KNDC1: variants seen among roughly 807,000 people sequenced by gnomAD.
The protein encoded by KNDC1 is kinase non-catalytic C-lobe domain containing 1.
Under a neutral mutation model 172.8 loss-of-function variants are expected in KNDC1, and 106 were observed. That is an observed-to-expected ratio of 0.61 (90% CI 0.52 to 0.72). The LOEUF is 0.72. KNDC1 is among the 30% of genes least tolerant of loss of function. The pLI is 0.00. For missense variants in KNDC1, 2,325 were observed against 2,394.5 expected (o/e 0.97, Z 0.61); for synonymous variants, 1,083 against 1,062.2 (o/e 1.02, Z -0.38).
At chr10:133,206,827 G>T (rs769939373) in intron 18 of KNDC1, 29 bp from the exon 19 acceptor site, 1 of 1,613,142 alleles carries the variant, frequency 6.2e-7, no homozygotes, top group Non-Finnish European at 8.5e-7. Context: ...CAGGCAGCCC[G>T]GCCCCCACCC....
At chr10:133,183,537 A>G (rs1407929578) in intron 4 of KNDC1, 47 bp downstream of exon 4, 3 of 1,538,338 alleles carry the variant, frequency 2.0e-6, no homozygotes, top group South Asian at 2.4e-5. Flanking sequence ...CCCTGACCCC[A>G]CAGGCCTGGA....
At chr10:133,195,391 G>A (rs1214198353) in intron 9 of KNDC1, among the ~76,000 whole-genome samples, 2 of 152,206 alleles carry the variant, frequency 1.3e-5, no homozygotes, top group East Asian at 3.9e-4. Flanking sequence ...TGGAAGGTGG[G>A]AAAGTCCAGT....
rs763479627 is a variant in KNDC1 at position 133,186,271 on chromosome 10, T to G, written c.923T>G (p.Phe308Cys). The stretch of plus-strand genomic sequence containing the variant: ...AGCCGCCTGCGGAAGGTGCAGACGT[T>G]CCCTAGGCTGCTGTCCGACAGCCCC... ...RRSRLRKVQT[F>C]PRLLSDSPEA... The change falls in exon 6 of 30, where the codon TTC (phenylalanine) becomes TGC (cysteine). Residue 308 changes from phenylalanine to cysteine, a missense_variant. Phe to Cys is a radical substitution (Grantham distance 205). Transcript: ENST00000304613. The G allele has an allele frequency of 1.2e-6, 2 of 1,609,424 alleles. No individual in the cohort carries two copies. The highest frequency in any genetic ancestry group is 1.1e-5 in the South Asian group (1 of 90,588).
At position 133,209,269 on chromosome 10, in the gene KNDC1, T is replaced by G. The variant is rs1845298576; in HGVS notation, c.3795-1342T>G. Among the ~76,000 whole-genome samples, 1 of 100,978 alleles carries G rather than the reference T, an allele frequency of 9.9e-6. No homozygotes were observed. Among genetic ancestry groups the G allele is most frequent in the South Asian group, 3.7e-4 (1 of 2,716 alleles). 66.2% of individuals were successfully genotyped at this position (100,978 alleles called of 152,430 possible). On this transcript the variant is annotated intron_variant, in intron 20 of 29. Coordinates refer to ENST00000304613, the MANE Select transcript of KNDC1 (RefSeq NM_152643.8). The surrounding 1 kb of genome is among the most constrained non-coding windows in gnomAD (Gnocchi z 4.9). The stretch of plus-strand genomic sequence containing the variant: ...GTGTGGTGTGTGGTATGCGGTAGTG[T>G]GTGTGTGGTGTGTGGAGTATAGTGT...
chr10:133,161,147 C>T (rs564815568), intron 1 of KNDC1, among the ~76,000 whole-genome samples: 3 of 152,200 alleles, frequency 2.0e-5, no homozygotes, highest in African/African-American at 2.4e-5. Flanking sequence ...ACCGCCCACC[C>T]TACAGCACCG....
chr10:133,185,352 AGT>A (rs1564883494), intron 5 of KNDC1, among the ~76,000 whole-genome samples: 23 of 103,164 alleles, frequency 2.2e-4, no homozygotes, highest in Admixed American at 3.9e-4. Context: ...TGCAGTGTGG[AGT>A]AGGCAGTGTG....
In KNDC1 at chr10:133,203,198, TCGGCCCC is replaced by T. The variant is rs1854428231; in HGVS notation, c.3387+1302_3387+1308del. On this transcript the variant is annotated intron_variant, in intron 17 of 29. Coordinates refer to ENST00000304613, the MANE Select transcript of KNDC1 (RefSeq NM_152643.8). ...ACGCACAGAGTCCAGCGGGGAGCACTCGGCCCCCAAACGCACGGCGTCCAGTGGGGAG... is the reference window on the plus strand; with the variant it reads ...ACGCACAGAGTCCAGCGGGGAGCACTCAAACGCACGGCGTCCAGTGGGGAG... Among the ~76,000 whole-genome samples, 8 of 57,062 alleles carry T rather than the reference TCGGCCCC, an allele frequency of 1.4e-4. 1 individual carries two copies. Among genetic ancestry groups the T allele is most frequent in the South Asian group, 4.8e-4 (1 of 2,082 alleles). 37.4% of individuals were successfully genotyped at this position (57,062 alleles called of 152,430 possible).
chr10:133,204,511 G>A (rs1268589532), intron 17 of KNDC1, among the ~76,000 whole-genome samples: 1 of 152,206 alleles, frequency 6.6e-6, no homozygotes, highest in African/African-American at 2.4e-5. Flanking sequence ...CTGGGACACT[G>A]CCCACACTGC....
intron 1 of KNDC1, among the ~76,000 whole-genome samples, chr10:133,162,849 T>G (rs1476659123): frequency 6.6e-6 from 1 of 152,232 alleles, no homozygotes; most frequent in Non-Finnish European, 1.5e-5. Flanking sequence ...CACTATGGTG[T>G]GGGCCCCAGA....
At chr10:133,212,578 C>A in intron 23 of KNDC1, 138 bp from the exon 24 acceptor site, 1 of 693,302 alleles carries the variant, frequency 1.4e-6, no homozygotes, top group Non-Finnish European at 2.4e-6. Flanking sequence ...AGGCTGCTCT[C>A]TGGCTCTGGC....
chr10:133,189,461 A>G (rs1854018443), intron 7 of KNDC1, 137 bp from the exon 8 acceptor site: 2 of 771,498 alleles, frequency 2.6e-6, no homozygotes, highest in Admixed American at 2.2e-5. Flanking sequence ...ATGTGCGTGC[A>G]CTGGCAGGTG....
In KNDC1 at chr10:133,209,347, G is replaced by T. The variant is rs1412897471; in HGVS notation, c.3795-1264G>T. 3.3e-5 allele frequency among the ~76,000 whole-genome samples: 5 copies of T among 151,298 alleles called. No homozygotes were observed. The highest frequency in any genetic ancestry group is 6.6e-5 in the Admixed American group (1 of 15,190). On this transcript the variant is annotated intron_variant, in intron 20 of 29. Coordinates refer to ENST00000304613, the MANE Select transcript of KNDC1 (RefSeq NM_152643.8). This position sits in a 1 kb window ranked among gnomAD's most constrained non-coding sequence, Gnocchi z 4.9. ...GCACGTGTGTGCTGTGCGGTGTGGG[G>T]TATAGTGTGTGCACATGTGGTGTGA...
chr10:133,183,829 C>A (rs1245406998), intron 4 of KNDC1, 43 bp from the exon 5 acceptor site: 1 of 1,436,408 alleles, frequency 7.0e-7, no homozygotes, highest in South Asian at 1.3e-5. Flanking sequence ...CGGGAGATGG[C>A]CCCTCCTCCG....
At position 133,214,095 on chromosome 10, in the gene KNDC1, A is replaced by G. The variant is rs749560948; in HGVS notation, c.4650A>G (p.Ala1550=). The part of the protein sequence containing the change: ...NADDVSTWVA[A]EIVTSHTSKL... ...ATGACGTCAGCACCTGGGTGGCTGC[A>G]GAGATTGTGACCAGCCACACCTCCA... Residue 1550 remains alanine, a synonymous_variant, in exon 26 of 30, where the codon GCA becomes GCG. Coordinates refer to ENST00000304613, the MANE Select transcript of KNDC1 (RefSeq NM_152643.8). 22 of 1,613,962 alleles carry G rather than the reference A, an allele frequency of 1.4e-5. No individual in the cohort carries two copies. In the South Asian group the frequency reaches 2.4e-4, roughly 18 times the overall value.
chr10:133,221,063 T>C (rs1845577195), intron 29 of KNDC1, among the ~76,000 whole-genome samples: 1 of 151,912 alleles, frequency 6.6e-6, no homozygotes. Context: ...CCCAAAACAC[T>C]CCCCGTGGTC....
At chr10:133,187,730 C>G (rs970885114) in intron 6 of KNDC1, among the ~76,000 whole-genome samples, 2 of 152,212 alleles carry the variant, frequency 1.3e-5, no homozygotes, top group African/African-American at 4.8e-5. Flanking sequence ...CCAGGCTGAA[C>G]GCATGCCTGG....
At position 133,163,983 on chromosome 10, in the gene KNDC1, C is replaced by T. The variant is rs573502162; in HGVS notation, c.103-3398C>T. Among the ~76,000 whole-genome samples, 3 of 125,628 alleles carry T rather than the reference C, an allele frequency of 2.4e-5. No individual in the cohort carries two copies. The highest frequency in any genetic ancestry group is 5.3e-4 in the South Asian group (2 of 3,800). 82.4% of individuals were successfully genotyped at this position (125,628 alleles called of 152,430 possible). A position where few individuals can be genotyped will look rare whatever the true frequency, so the allele number is the denominator to read the frequency against. ...GGGATGGGGGTGGAGTTCGTGGCCA[C>T]CTGCCTTCCCAAATCCCTCCTCCCA... On this transcript the variant is annotated intron_variant, in intron 1 of 29. Transcript: ENST00000304613. This position sits in a 1 kb window ranked among gnomAD's most constrained non-coding sequence, Gnocchi z 4.4.
At chr10:133,215,293 G>A (rs915520860) in intron 26 of KNDC1, among the ~76,000 whole-genome samples, 10 of 152,218 alleles carry the variant, frequency 6.6e-5, no homozygotes, top group African/African-American at 2.2e-4. Context: ...GTCCACCAAG[G>A]TGCAGTACCT....
rs1285326249 is a variant in KNDC1, at chr10:133,198,441, A to G, written c.2011A>G (p.Thr671Ala). The G allele has an allele frequency of 6.2e-7, 1 of 1,602,586 alleles. No individual in the cohort carries two copies. Among genetic ancestry groups the G allele is most frequent in the East Asian group, 2.3e-5 (1 of 44,382 alleles). Reference sequence around the variant, plus strand: ...AGCCACCCAGCTGCCTGCAGCGTTCACCTCCGAGGCCACGCACTTCAAGCC... The same window carrying G: ...AGCCACCCAGCTGCCTGCAGCGTTCGCCTCCGAGGCCACGCACTTCAAGCC... ...EEATQLPAAF[T>A]SEATHFKPIV... The change falls in exon 13 of 30, where the codon ACC becomes GCC. Residue 671 changes from threonine (T) to alanine (A), a missense_variant. Transcript: ENST00000304613.
Sources: gnomAD v4.1 joint callset for allele counts (sites outside exome capture counted in the v4.1 genomes callset) on GRCh38, gnomAD v4.1.1 for gene constraint, Gnocchi (gnomAD v3.1) non-coding constraint, MANE v1.5 for transcripts, NCBI Gene and HGNC (gene_info 2026-07-23, HGNC 2026-07-21) for gene names.